Variants in VDAC1 observed in about 807,000 individuals in gnomAD.
The protein encoded by VDAC1 is voltage dependent anion channel 1, also known as non-selective voltage-gated ion channel VDAC1.
VDAC1 carries 10 observed loss-of-function variants against 34.7 expected under a neutral mutation model. The observed-to-expected ratio is 0.29, with a 90% CI of 0.18 to 0.49. The LOEUF is 0.49. Among genes scored for constraint, VDAC1 ranks in the 20% least tolerant of loss-of-function variants. VDAC1 has a pLI of 0.99. For synonymous variants in VDAC1, 130 were observed against 136.0 expected (o/e 0.96, Z 0.30); for missense variants, 230 against 347.9 (o/e 0.66, Z 2.69).
the VDAC1 span, among the ~76,000 whole-genome samples, chr5:134,094,003 G>A: frequency 6.6e-6 from 1 of 152,212 alleles, no homozygotes; most frequent in African/African-American, 2.4e-5. Context: ...CCTGCAATCT[G>A]TAGCATCAAC....
the VDAC1 span, among the ~76,000 whole-genome samples, chr5:134,035,737 T>C: frequency 2.0e-5 from 3 of 152,220 alleles, no homozygotes; most frequent in Non-Finnish European, 4.4e-5. Flanking sequence ...CCCGGCCTTG[T>C]GGCTCACGCC....
intron 8 of VDAC1, 73 bp downstream of exon 8, chr5:133,973,718 G>A: frequency 7.3e-7 from 1 of 1,365,076 alleles, no homozygotes. Flanking sequence ...TATAAGCAAT[G>A]ACATAAATCA....
At chr5:133,991,468 A>T (rs2066944) in intron 3 of VDAC1, among the ~76,000 whole-genome samples, 31,465 of 152,226 alleles carry the variant, frequency 0.21, 3,516 homozygotes, top group East Asian at 0.45. Flanking sequence ...ACTGAGCTAA[A>T]GCTGACACAG....
chr5:134,022,410 G>A, the VDAC1 span, among the ~76,000 whole-genome samples: 1 of 152,170 alleles, frequency 6.6e-6, no homozygotes, highest in Non-Finnish European at 1.5e-5. Flanking sequence ...GCCATCTGGC[G>A]AGGGCCTTCT....
chr5:134,056,115 C>T, the VDAC1 span, among the ~76,000 whole-genome samples: 8 of 151,880 alleles, frequency 5.3e-5, no homozygotes, highest in Non-Finnish European at 4.4e-5. Context: ...GTGGCATGCA[C>T]CTGTAATCCC....
At chr5:134,025,923 G>T in the VDAC1 span, among the ~76,000 whole-genome samples, 3 of 152,176 alleles carry the variant, frequency 2.0e-5, no homozygotes, top group Non-Finnish European at 4.4e-5. Context: ...TTGGAGGAGG[G>T]GCAGGTTTAG....
At chr5:134,056,093 T>C in the VDAC1 span, among the ~76,000 whole-genome samples, 415 of 151,924 alleles carry the variant, frequency 2.7e-3, 4 homozygotes, top group African/African-American at 9.3e-3. Context: ...ATACAAAAAG[T>C]AGCTGGACGT....
chr5:134,089,402 T>C, the VDAC1 span, among the ~76,000 whole-genome samples: 72 of 152,370 alleles, frequency 4.7e-4, no homozygotes, highest in African/African-American at 1.7e-3. Context: ...CCTGCCCTTA[T>C]GGTTTGCCCC....
chr5:133,982,454 G>A (rs572630855), intron 5 of VDAC1, among the ~76,000 whole-genome samples: 10 of 151,330 alleles, frequency 6.6e-5, no homozygotes, highest in Admixed American at 5.3e-4. Flanking sequence ...AGAGGTTGCA[G>A]TGAGCCGAGA....
chr5:134,031,385 C>T, the VDAC1 span, among the ~76,000 whole-genome samples: 1 of 152,106 alleles, frequency 6.6e-6, no homozygotes, highest in African/African-American at 2.4e-5. Flanking sequence ...TGAATGCTGC[C>T]TTGTATGGCT....
At chr5:134,092,805 A>T in the VDAC1 span, among the ~76,000 whole-genome samples, 5 of 152,198 alleles carry the variant, frequency 3.3e-5, no homozygotes, top group Admixed American at 6.5e-5. Context: ...TATTATACTT[A>T]TAGGATTGAC....
rs758438428 is a variant in VDAC1, at chr5:133,980,976, A to G, written c.324-20T>C. ...TTTTTCCTGAAGGAAAATAAGTTAT[A>G]TTAAGATCAGAAGCTAACTCACCTT... is the stretch of plus-strand genomic sequence containing the variant. On this transcript the variant is annotated intron_variant, in intron 5 of 8. Transcript: ENST00000265333. 1 of 1,597,038 alleles carries G rather than the reference A, an allele frequency of 6.3e-7. No individual in the cohort carries two copies. Among genetic ancestry groups the G allele is most frequent in the South Asian group, 1.1e-5 (1 of 90,498 alleles).
the VDAC1 span, among the ~76,000 whole-genome samples, chr5:134,110,453 G>A: frequency 6.6e-6 from 1 of 152,146 alleles, no homozygotes; most frequent in Non-Finnish European, 1.5e-5. Flanking sequence ...TTGCCTTTCT[G>A]TAGGTCACAA....
chr5:134,107,928 C>G, the VDAC1 span, among the ~76,000 whole-genome samples: 4 of 152,210 alleles, frequency 2.6e-5, no homozygotes, highest in Non-Finnish European at 2.9e-5. Flanking sequence ...AGTGGAGAAG[C>G]TGATTTCACA....
chr5:134,114,361 A>T, the VDAC1 span, among the ~76,000 whole-genome samples: 6 of 152,160 alleles, frequency 3.9e-5, no homozygotes, highest in East Asian at 1.2e-3. Context: ...ATGGTAAGCC[A>T]CGCCCAAGTC....
At chr5:134,075,807 G>C in the VDAC1 span, among the ~76,000 whole-genome samples, 2,099 of 151,942 alleles carry the variant, frequency 0.014, 29 homozygotes, top group South Asian at 0.028. Flanking sequence ...GGATGGTCTC[G>C]ATCTCCTGAC....
At chr5:133,976,648 G>GAA (rs540783930) in intron 6 of VDAC1, among the ~76,000 whole-genome samples, 3 of 138,990 alleles carry the variant, frequency 2.2e-5, no homozygotes, top group African/African-American at 5.3e-5. Context: ...TCTCTATAAG[G>GAA]AAAAAAAAAA....
chr5:134,068,366 G>A, the VDAC1 span, among the ~76,000 whole-genome samples: 1 of 147,540 alleles, frequency 6.8e-6, no homozygotes, highest in African/African-American at 2.5e-5. Context: ...ATACTCTTCA[G>A]CAATTTTTTC....
At chr5:134,059,872 G>A in the VDAC1 span, among the ~76,000 whole-genome samples, 1 of 146,120 alleles carries the variant, frequency 6.8e-6, no homozygotes, top group Non-Finnish European at 1.6e-5. Flanking sequence ...AGGTGACGCA[G>A]AGAGGCACAA....
Sources: allele counts gnomAD v4.1 joint callset (sites outside exome capture counted in the v4.1 genomes callset), GRCh38; gene constraint gnomAD v4.1.1; transcripts MANE v1.5; gene names NCBI Gene and HGNC (gene_info 2026-07-23, HGNC 2026-07-21).